SEMA3C: variants seen among roughly 807,000 people sequenced by gnomAD.
SEMA3C encodes the protein semaphorin-3C.
A neutral mutation model predicts 89.4 loss-of-function variants in SEMA3C; 47 were observed. That is an observed-to-expected ratio of 0.53 (90% CI 0.42 to 0.67). The LOEUF (loss-of-function observed/expected upper bound fraction) is 0.67, where lower values mean the gene tolerates loss of function less well. Among genes scored for constraint, SEMA3C ranks in the 30% least tolerant of loss-of-function variants. SEMA3C has a pLI of 0.00. For missense variants in SEMA3C, 839 were observed against 929.1 expected, an observed-to-expected ratio of 0.90 and a Z score of 1.26; for synonymous variants, 310 against 320.2, an observed-to-expected ratio of 0.97 and a Z score of 0.34.
chr7:80,783,330 G>A (rs910712374), intron 12 of SEMA3C, among the ~76,000 whole-genome samples: 1 of 151,904 alleles, frequency 6.6e-6, no homozygotes, highest in Non-Finnish European at 1.5e-5. Flanking sequence ...TCATGACACC[G>A]TGACTTATCA....
intron 5 of SEMA3C, among the ~76,000 whole-genome samples, chr7:80,812,596 C>G (rs17154487): frequency 0.014 from 2,123 of 152,188 alleles, 62 homozygotes; most frequent in Admixed American, 0.068. Flanking sequence ...CTCAACTGAC[C>G]TACTCCTACA....
intron 2 of SEMA3C, among the ~76,000 whole-genome samples, chr7:80,893,201 T>C (rs1449857097): frequency 1.3e-5 from 2 of 152,156 alleles, no homozygotes; most frequent in Non-Finnish European, 2.9e-5. Flanking sequence ...TCCAAACAAC[T>C]GCCCTGTCAG....
At chr7:80,789,572 C>T (rs763819711) in intron 11 of SEMA3C, 44 bp from the exon 12 acceptor site, 2 of 1,369,180 alleles carry the variant, frequency 1.5e-6, no homozygotes, top group Admixed American at 5.0e-5. Context: ...AAATAGTTGT[C>T]TTGTTCTAGT....
chr7:80,773,902 C>A (rs1788489320), intron 12 of SEMA3C, among the ~76,000 whole-genome samples: 1 of 152,134 alleles, frequency 6.6e-6, no homozygotes, highest in Non-Finnish European at 1.5e-5. Context: ...ACAGGTTTGG[C>A]AATTCTGGAA....
Position 80,749,293 on chromosome 7 carries a change from C to T in SEMA3C, c.1712-265G>A, listed in dbSNP as rs553863446. Among the ~76,000 whole-genome samples the T allele has an allele frequency of 2.0e-5, 3 of 152,238 alleles. No homozygotes were observed. In the East Asian group the frequency reaches 5.8e-4, roughly 29 times the overall value. On this transcript the variant is annotated intron_variant, in intron 16 of 17. Coordinates refer to ENST00000265361, the MANE Select transcript of SEMA3C (RefSeq NM_006379.5). ...ATGTTTATTCAAGAATTATTCCACA[C>T]CAACAACTGTTCTTAATATTACTTT...
intron 2 of SEMA3C, chr7:80,847,333 C>A: frequency 6.6e-6 from 1 of 152,132 alleles, no homozygotes; most frequent in East Asian, 1.9e-4. Context: ...GTTTCTGTGT[C>A]TTCGTTTTGT....
At chr7:80,761,477 G>T (rs1788181222) in intron 14 of SEMA3C, 139 bp downstream of exon 14, 2 of 466,684 alleles carry the variant, frequency 4.3e-6, no homozygotes, top group East Asian at 8.2e-5. Flanking sequence ...AAAATTAAAG[G>T]TGACTTTGCG....
intron 12 of SEMA3C, among the ~76,000 whole-genome samples, chr7:80,773,190 A>G (rs1007872235): frequency 1.3e-5 from 2 of 152,160 alleles, no homozygotes; most frequent in African/African-American, 4.8e-5. Context: ...ATTTTCTACC[A>G]CTATATTAAA....
In SEMA3C at chr7:80,852,313, T is replaced by A. The variant is rs78198887; in HGVS notation, c.104-23568A>T. 6.4e-4 allele frequency among the ~76,000 whole-genome samples: 97 copies of A among 152,316 alleles called. 1 individual carries two copies. The highest frequency in any genetic ancestry group is 2.2e-3 in the African/African-American group (91 of 41,576). On this transcript the variant is annotated intron_variant, in intron 2 of 17. Coordinates refer to ENST00000265361, the MANE Select transcript of SEMA3C (RefSeq NM_006379.5). ...ATGTTACTAGTTTGAAATGCATGGT[T>A]ATCCCCTTGATACAGTAGCCGGTGT... is the stretch of plus-strand genomic sequence containing the variant.
rs1055215583 is a variant in SEMA3C, at chr7:80,743,576, G to C, written c.*1318C>G. 2.0e-5 allele frequency: 3 copies of C among 151,780 alleles called. No homozygotes were observed. Among genetic ancestry groups the C allele is most frequent in the Non-Finnish European group, 4.4e-5 (3 of 67,808 alleles). The allele number at this position is 151,780 out of a possible 1,614,324, so 9.4% of individuals were successfully genotyped here. The stretch of plus-strand genomic sequence containing the variant: ...AGTAGTGTTTTTAAAATATATATGA[G>C]AGCATGAATAATTTTTTTCACATTT... On this transcript the variant is annotated 3_prime_UTR_variant, in exon 18 of 18. Coordinates refer to ENST00000265361, the MANE Select transcript of SEMA3C (RefSeq NM_006379.5).
intron 14 of SEMA3C, among the ~76,000 whole-genome samples, chr7:80,760,326 T>G (rs2117050917): frequency 6.6e-6 from 1 of 152,268 alleles, no homozygotes; most frequent in East Asian, 1.9e-4. Flanking sequence ...TGGCTTTGTG[T>G]CCATTTTGAA....
Position 80,858,835 on chromosome 7 carries a change from G to C in SEMA3C, c.104-30090C>G, listed in dbSNP as rs184572062. Among the ~76,000 whole-genome samples, 4 of 152,250 alleles carry C rather than the reference G, an allele frequency of 2.6e-5. No homozygotes were observed. In the East Asian group the frequency reaches 7.7e-4, roughly 29 times the overall value. ...CCCAGACTAGTTCCCACTTTAAATA[G>C]AGCAAGTATGAATTCGAGGTAATTC... On this transcript the variant is annotated intron_variant, in intron 2 of 17. Transcript: ENST00000265361.
chr7:80,896,967 G>A (rs1278172660), intron 2 of SEMA3C, among the ~76,000 whole-genome samples: 2 of 152,070 alleles, frequency 1.3e-5, no homozygotes, highest in Non-Finnish European at 2.9e-5. Context: ...GAAACCCGGT[G>A]ACAGTGTGTG....
intron 2 of SEMA3C, among the ~76,000 whole-genome samples, chr7:80,874,018 T>C (rs896774828): frequency 6.6e-6 from 1 of 152,208 alleles, no homozygotes; most frequent in Non-Finnish European, 1.5e-5. Context: ...AGCCCTTTTT[T>C]GGAGTGGAGA....
chr7:80,751,068 A>T (rs1332387340), intron 16 of SEMA3C, among the ~76,000 whole-genome samples: 1 of 152,156 alleles, frequency 6.6e-6, no homozygotes, highest in Non-Finnish European at 1.5e-5. Flanking sequence ...GCGTGTTCCC[A>T]GACATTTGTT....
At chr7:80,769,058 T>C (rs1583860478) in intron 12 of SEMA3C, among the ~76,000 whole-genome samples, 1 of 152,192 alleles carries the variant, frequency 6.6e-6, no homozygotes, top group Non-Finnish European at 1.5e-5. Flanking sequence ...ACTCTTTAAA[T>C]TTTTTTATCT....
chr7:80,884,516 G>A (rs887406312), intron 2 of SEMA3C, among the ~76,000 whole-genome samples: 4 of 152,136 alleles, frequency 2.6e-5, no homozygotes, highest in Admixed American at 1.3e-4. Context: ...ACAGACTTCT[G>A]TATTGACAAT....
At chr7:80,867,878 A>G (rs1216261970) in intron 2 of SEMA3C, among the ~76,000 whole-genome samples, 1 of 152,194 alleles carries the variant, frequency 6.6e-6, no homozygotes, top group Non-Finnish European at 1.5e-5. Context: ...CTTGGTCTCA[A>G]CATCAGGGAA....
At chr7:80,778,559 A>G (rs756899887) in intron 12 of SEMA3C, among the ~76,000 whole-genome samples, 6 of 152,172 alleles carry the variant, frequency 3.9e-5, no homozygotes, top group Non-Finnish European at 8.8e-5. Flanking sequence ...CTGGCCTTGA[A>G]TATCTATCTA....
Sources: gnomAD v4.1 joint callset for allele counts (sites outside exome capture counted in the v4.1 genomes callset) on GRCh38, gnomAD v4.1.1 for gene constraint, MANE v1.5 for transcripts, NCBI Gene and HGNC (gene_info 2026-07-23, HGNC 2026-07-21) for gene names.